The following FMO3 variants were observed in gnomAD, a reference collection of about 807,000 sequenced individuals.
FMO3 encodes the protein flavin-containing monooxygenase 3.
FMO3 carries 40 observed loss-of-function variants against 39.4 expected under a neutral mutation model. The observed-to-expected ratio is 1.02, with a 90% confidence interval of 0.79 to 1.32. FMO3 has a LOEUF of 1.32. FMO3 is among the 40% of genes most tolerant of loss of function. The pLI is 0.00. For missense variants in FMO3, 680 were observed against 651.8 expected (o/e 1.04, Z -0.47); for synonymous variants, 219 against 228.8 (o/e 0.96, Z 0.39).
At chr1:171,097,032 C>T (rs1571205110) in intron 2 of FMO3, among the ~76,000 whole-genome samples, 1 of 149,638 alleles carries the variant, frequency 6.7e-6, no homozygotes, top group Non-Finnish European at 1.5e-5. Flanking sequence ...TGAGTGAGAA[C>T]ATGTGGTGTT....
rs1656051092 is a variant in FMO3, at chr1:171,114,332, C to T, written c.1153C>T (p.Gln385Ter). 6.2e-7 allele frequency: 1 copy of T among 1,613,700 alleles called. No individual in the cohort carries two copies. The highest frequency in any genetic ancestry group is 2.2e-5 in the East Asian group (1 of 44,854). ...LGAAIPTVDL[Q>*]SRWAAQVIKG... ...GGCTGCCATTCCCACAGTTGACCTC[C>T]AGTCCCGCTGGGCAGCACAAGTAAT... is the stretch of plus-strand genomic sequence containing the variant. The change falls in exon 7 of 9, where the codon CAG (glutamine) becomes TAG (stop). Residue 385 changes from glutamine to a stop codon, truncating the protein, a stop_gained. Transcript: ENST00000367755. LOFTEE classifies it high-confidence loss of function.
In FMO3 at chr1:171,107,670, C is replaced by A; in HGVS notation, c.322-5C>A. The A allele has an allele frequency of 6.2e-7, 1 of 1,611,928 alleles. No homozygotes were observed. Among genetic ancestry groups the A allele is most frequent in the South Asian group, 1.1e-5 (1 of 91,038 alleles). ...AAGAGGGATTTCTTTCTGTATTTCT[C>A]TTAGACATTTGTATCCAGTGTAAAT... is the stretch of plus-strand genomic sequence containing the variant. On this transcript the variant is annotated splice_region_variant and splice_polypyrimidine_tract_variant and intron_variant, in intron 3 of 8. Transcript: ENST00000367755.
At chr1:171,116,752 G>T (rs1055006513) in intron 8 of FMO3, among the ~76,000 whole-genome samples, 1 of 152,162 alleles carries the variant, frequency 6.6e-6, no homozygotes, top group Non-Finnish European at 1.5e-5. Flanking sequence ...TCACTAATTA[G>T]CTCAGTGGCC....
Position 171,092,763 on chromosome 1 carries a change from T to A in FMO3, c.105T>A (p.Asn35Lys). 1 of 1,613,974 alleles carries A rather than the reference T, an allele frequency of 6.2e-7. No homozygotes were observed. The highest frequency in any genetic ancestry group is 8.5e-7 in the Non-Finnish European group (1 of 1,179,984). The stretch of plus-strand genomic sequence containing the variant: ...AGCCCACCTGCTTTGAGAAGAGCAA[T>A]GACATTGGGGGCCTGTGGAAATTTT... ...GLEPTCFEKS[N>K]DIGGLWKFSD... Residue 35 changes from asparagine to lysine, a missense_variant, in exon 2 of 9, where the codon AAT (asparagine) becomes AAA (lysine). Transcript: ENST00000367755.
At chr1:171,108,905 T>C (rs1655772613) in intron 5 of FMO3, among the ~76,000 whole-genome samples, 1 of 152,086 alleles carries the variant, frequency 6.6e-6, no homozygotes, top group South Asian at 2.1e-4. Context: ...CCTTGAACAA[T>C]AAATATAAAT....
At chr1:171,096,024 TAATATATAATATATATTATATATA>T (rs1355230655) in intron 2 of FMO3, among the ~76,000 whole-genome samples, 33 of 46,326 alleles carry the variant, frequency 7.1e-4, no homozygotes, top group South Asian at 1.8e-3. Flanking sequence ...TATTATATAT[TAATATATAATATATATTATATATA>T]AATATATAAT....
intron 7 of FMO3, among the ~76,000 whole-genome samples, 189 bp downstream of exon 7, chr1:171,114,551 C>T (rs1011017166): frequency 1.3e-5 from 2 of 152,128 alleles, no homozygotes; most frequent in Non-Finnish European, 2.9e-5. Flanking sequence ...GTATGAAATA[C>T]TACAAGATAT....
At chr1:171,112,079 A>C (rs1655938456) in intron 6 of FMO3, among the ~76,000 whole-genome samples, 1 of 152,186 alleles carries the variant, frequency 6.6e-6, no homozygotes, top group African/African-American at 2.4e-5. Flanking sequence ...CAGACTGAGG[A>C]CACAGCCAGG....
chr1:171,112,229 T>C (rs1321948630), intron 6 of FMO3, among the ~76,000 whole-genome samples: 1 of 152,168 alleles, frequency 6.6e-6, no homozygotes, highest in Non-Finnish European at 1.5e-5. Context: ...TGTAGATCAT[T>C]GTAAGGACTC....
intron 3 of FMO3, among the ~76,000 whole-genome samples, chr1:171,104,747 G>A (rs1257497294): frequency 6.6e-6 from 1 of 152,084 alleles, no homozygotes; most frequent in Non-Finnish European, 1.5e-5. Flanking sequence ...GGTGGCACAT[G>A]CCTGTGGTCC....
chr1:171,104,831 G>A (rs1172633577), intron 3 of FMO3, among the ~76,000 whole-genome samples: 4 of 152,086 alleles, frequency 2.6e-5, no homozygotes, highest in African/African-American at 9.6e-5. Flanking sequence ...CTGAGATCAC[G>A]CCACTGCACT....
intron 2 of FMO3, among the ~76,000 whole-genome samples, chr1:171,095,147 G>A: frequency 6.6e-6 from 1 of 152,184 alleles, no homozygotes; most frequent in East Asian, 1.9e-4. Context: ...CTGGTTAAAT[G>A]GGTTCCTAGA....
intron 2 of FMO3, among the ~76,000 whole-genome samples, chr1:171,098,700 T>C (rs12074485): frequency 0.045 from 6,839 of 152,258 alleles, 510 homozygotes; most frequent in African/African-American, 0.16. Context: ...GCTGAGACGA[T>C]GGGGTTTTCT....
At chr1:171,095,672 G>T (rs1355160612) in intron 2 of FMO3, among the ~76,000 whole-genome samples, 1 of 145,632 alleles carries the variant, frequency 6.9e-6, no homozygotes, top group Non-Finnish European at 1.5e-5. Flanking sequence ...ATATTTTGCA[G>T]ACTGCAAAAA....
intron 8 of FMO3, among the ~76,000 whole-genome samples, chr1:171,116,568 G>A (rs922469308): frequency 2.6e-5 from 4 of 152,146 alleles, no homozygotes; most frequent in Non-Finnish European, 4.4e-5. Context: ...TCATAGAAAG[G>A]AGACCCAGAA....
Position 171,114,070 on chromosome 1 carries a change from G to A in FMO3, c.891G>A (p.Val297=). 6.2e-7 allele frequency: 1 copy of A among 1,613,332 alleles called. No homozygotes were observed. ...ELPASILCGI[V]SVKPNVKEFT... is the part of the protein sequence containing the mutation. Reference sequence around the variant, plus strand: ...CAGCAAGCATTCTGTGTGGCATTGTGTCCGTAAAGCCTAACGTGAAGGAAT... The same window carrying A: ...CAGCAAGCATTCTGTGTGGCATTGTATCCGTAAAGCCTAACGTGAAGGAAT... The change falls in exon 7 of 9, where the codon GTG becomes GTA. Residue 297 remains valine (V), a synonymous_variant. Transcript: ENST00000367755.
chr1:171,115,747 C>A (rs1472200560), intron 7 of FMO3, among the ~76,000 whole-genome samples: 2 of 152,126 alleles, frequency 1.3e-5, no homozygotes, highest in Non-Finnish European at 2.9e-5. Context: ...TGTGGACAGT[C>A]CATATCCTCA....
chr1:171,116,352 G>C, intron 8 of FMO3, 72 bp downstream of exon 8: 2 of 805,332 alleles, frequency 2.5e-6, no homozygotes, highest in South Asian at 3.2e-5. Flanking sequence ...GCTTGGAACT[G>C]TTTTAATCTT....
intron 2 of FMO3, among the ~76,000 whole-genome samples, chr1:171,096,809 C>T (rs977984174): frequency 2.4e-5 from 3 of 127,106 alleles, no homozygotes; most frequent in Non-Finnish European, 4.9e-5. Flanking sequence ...TGTAATTATA[C>T]TTTAAGTTCT....
Sources: gnomAD v4.1 joint callset for allele counts (sites outside exome capture counted in the v4.1 genomes callset) on GRCh38, gnomAD v4.1.1 for gene constraint, MANE v1.5 for transcripts, NCBI Gene and HGNC (gene_info 2026-07-23, HGNC 2026-07-21) for gene names.